RPTOR: variants seen among roughly 807,000 people sequenced by gnomAD.
RPTOR encodes the protein regulatory-associated protein of mTOR.
Under a neutral mutation model 169.9 loss-of-function variants are expected in RPTOR, and 21 were observed. The ratio of observed to expected loss-of-function variants is 0.12; its 90% CI spans 0.09 to 0.18. The LOEUF is 0.18. Among genes scored for constraint, RPTOR ranks in the 10% least tolerant of loss-of-function variants. The pLI is 1.00. For missense variants in RPTOR, 1,133 were observed against 1,855.9 expected (o/e 0.61, Z 7.16); for synonymous variants, 732 against 753.2 (o/e 0.97, Z 0.46).
intron 1 of RPTOR, among the ~76,000 whole-genome samples, chr17:80,570,304 C>G (rs2064890901): frequency 6.6e-6 from 1 of 152,094 alleles, no homozygotes; most frequent in Non-Finnish European, 1.5e-5. Flanking sequence ...GAGGGCTAGG[C>G]TGTTCCTACT....
intron 3 of RPTOR, among the ~76,000 whole-genome samples, chr17:80,648,940 A>G (rs1169127641): frequency 6.6e-6 from 1 of 152,176 alleles, no homozygotes; most frequent in Admixed American, 6.5e-5. Flanking sequence ...GTAAGATGTG[A>G]CTTGCGCCTC....
chr17:80,862,991 G>A (rs1236637886), intron 13 of RPTOR, among the ~76,000 whole-genome samples: 10 of 152,232 alleles, frequency 6.6e-5, no homozygotes, highest in African/African-American at 1.7e-4. Context: ...GCGGAAGGGC[G>A]AGCCTGGGAC....
chr17:80,887,971 C>T (rs2068269587), intron 17 of RPTOR, among the ~76,000 whole-genome samples: 1 of 152,210 alleles, frequency 6.6e-6, no homozygotes, highest in Non-Finnish European at 1.5e-5. Flanking sequence ...GGGCTAGAAC[C>T]CCCAGTGTCA....
chr17:80,817,553 C>A (rs1444958187), intron 7 of RPTOR, among the ~76,000 whole-genome samples: 1 of 151,776 alleles, frequency 6.6e-6, no homozygotes. Flanking sequence ...GGGACAGGGC[C>A]CCAAGGAGTG....
At chr17:80,883,515 GC>G in intron 15 of RPTOR, 31 bp downstream of exon 15, 2 of 1,608,374 alleles carry the variant, frequency 1.2e-6, no homozygotes, top group Non-Finnish European at 1.7e-6. Context: ...CAGCCCCAGA[GC>G]TCACCCTTGG....
chr17:80,823,180 G>A lies in RPTOR; in HGVS notation c.1093G>A (p.Val365Ile), dbSNP rs533542132. ...TATGAGGTCGTATAACTGCACTCCC[G>A]TCAGCAGCCCGCGTCTGCCGCCCAC... ...RIMRSYNCTP[V>I]SSPRLPPTYM... is the part of the protein sequence containing the mutation. The change falls in exon 9 of 34, where the codon GTC becomes ATC. Residue 365 changes from valine to isoleucine, a missense_variant. Physicochemically the swap from Val to Ile is conservative, Grantham distance 29 (BLOSUM62 3). Transcript: ENST00000306801. This position sits in a 1 kb window ranked among gnomAD's most constrained non-coding sequence, Gnocchi z 4.5. 10 of 1,613,986 alleles carry A rather than the reference G, an allele frequency of 6.2e-6. No homozygotes were observed. The highest frequency in any genetic ancestry group is 2.7e-5 in the African/African-American group (2 of 74,872).
intron 6 of RPTOR, among the ~76,000 whole-genome samples, chr17:80,772,188 G>A (rs889383787): frequency 2.0e-5 from 3 of 152,166 alleles, no homozygotes; most frequent in South Asian, 2.1e-4. Flanking sequence ...GGCCAGAGTC[G>A]AAATCTGTTC....
intron 3 of RPTOR, among the ~76,000 whole-genome samples, chr17:80,680,165 C>G (rs541624568): frequency 6.6e-6 from 1 of 152,368 alleles, no homozygotes; most frequent in East Asian, 1.9e-4. Context: ...CCTCCAGGCA[C>G]ATCTTCTCAC....
chr17:80,784,131 T>A (rs1174684292), intron 6 of RPTOR, among the ~76,000 whole-genome samples: 1 of 150,858 alleles, frequency 6.6e-6, no homozygotes, highest in African/African-American at 2.4e-5. Context: ...AGCTAACTTA[T>A]TTGTGGAGAT....
At chr17:80,862,568 C>T (rs2067929975) in intron 13 of RPTOR, among the ~76,000 whole-genome samples, 2 of 150,748 alleles carry the variant, frequency 1.3e-5, no homozygotes, top group South Asian at 4.2e-4. Context: ...ATGTCTGCTC[C>T]GCCCCCTCGT....
chr17:80,562,777 T>C lies in RPTOR; in HGVS notation c.162+16986T>C, dbSNP rs1309534396. 6.6e-6 allele frequency among the ~76,000 whole-genome samples: 1 copy of C among 152,118 alleles called. No homozygotes were observed. The highest frequency in any genetic ancestry group is 1.5e-5 in the Non-Finnish European group (1 of 68,026). ...CCATCCTGGCAACAGAGCAAGACTC[T>C]TGTCTCAAAACAAAAAACAAAAACA... On this transcript the variant is annotated intron_variant, in intron 1 of 33. Coordinates refer to ENST00000306801, the MANE Select transcript of RPTOR (RefSeq NM_020761.3). The surrounding 1 kb of genome is among the most constrained non-coding windows in gnomAD (Gnocchi z 4.4).
At chr17:80,629,930 G>A (rs917707754) in intron 2 of RPTOR, among the ~76,000 whole-genome samples, 3 of 152,204 alleles carry the variant, frequency 2.0e-5, no homozygotes, top group Non-Finnish European at 4.4e-5. Context: ...CAGCTCCTCC[G>A]TTTGTTCTCT....
chr17:80,923,516 G>T lies in RPTOR; in HGVS notation c.2651G>T (p.Ser884Ile). Residue 884 changes from serine to isoleucine, a missense_variant, in exon 23 of 34, where the codon AGC (serine) becomes ATC (isoleucine). Transcript: ENST00000306801. ...AGGSPPASSTSSSSLTNDVAK... is the reference protein window; with the variant it reads ...AGGSPPASSTISSSLTNDVAK... ...GGCTCCCCTCCGGCGTCCAGCACCA[G>T]CAGCTCCAGCCTGACCAACGATGTG... 6.2e-7 allele frequency: 1 copy of T among 1,613,380 alleles called. No homozygotes were observed. Among genetic ancestry groups the T allele is most frequent in the East Asian group, 2.2e-5 (1 of 44,878 alleles).
chr17:80,955,827 G>C (rs2069241621), intron 28 of RPTOR, among the ~76,000 whole-genome samples: 1 of 152,188 alleles, frequency 6.6e-6, no homozygotes, highest in Non-Finnish European at 1.5e-5. Context: ...ATGACTGGCA[G>C]TTCCGTTCTA....
chr17:80,931,863 A>C (rs2068901353), intron 24 of RPTOR, among the ~76,000 whole-genome samples: 1 of 145,790 alleles, frequency 6.9e-6, no homozygotes, highest in Non-Finnish European at 1.5e-5. Context: ...ACAGCAGTCG[A>C]GCTGTAGCAG....
chr17:80,926,467 G>C (rs2068813401), intron 24 of RPTOR, among the ~76,000 whole-genome samples: 1 of 152,190 alleles, frequency 6.6e-6, no homozygotes. Flanking sequence ...TCATGAATCT[G>C]CTAAAATACT....
At chr17:80,875,570 C>T (rs2068097815) in intron 13 of RPTOR, among the ~76,000 whole-genome samples, 1 of 152,188 alleles carries the variant, frequency 6.6e-6, no homozygotes, top group Non-Finnish European at 1.5e-5. Flanking sequence ...TGGGAGAAAA[C>T]AAGCACAGCA....
At chr17:80,832,617 CTG>C (rs1157183619) in intron 9 of RPTOR, among the ~76,000 whole-genome samples, 1 of 152,188 alleles carries the variant, frequency 6.6e-6, no homozygotes, top group Non-Finnish European at 1.5e-5. Flanking sequence ...GTGCTCTCCT[CTG>C]TTACTAGATT....
Position 80,651,041 on chromosome 17 carries a change from G to A in RPTOR, c.348+7231G>A, listed in dbSNP as rs548768984. Among the ~76,000 whole-genome samples, 23 of 152,276 alleles carry A rather than the reference G, an allele frequency of 1.5e-4. No individual in the cohort carries two copies. In the East Asian group the frequency reaches 1.9e-3, roughly 13 times the overall value. On this transcript the variant is annotated intron_variant, in intron 3 of 33. Transcript: ENST00000306801. The surrounding 1 kb of genome is among the most constrained non-coding windows in gnomAD (Gnocchi z 4.1). ...AAATTGCAAATGAGGACCCCCCACC[G>A]TCAGGCTGGGGACTAAAACTGTAGC...
Sources: gnomAD v4.1 joint callset for allele counts (sites outside exome capture counted in the v4.1 genomes callset) on GRCh38, gnomAD v4.1.1 for gene constraint, Gnocchi (gnomAD v3.1) non-coding constraint, MANE v1.5 for transcripts, NCBI Gene and HGNC (gene_info 2026-07-23, HGNC 2026-07-21) for gene names.